Variants in ARHGAP15 observed in about 807,000 individuals in gnomAD.
The protein encoded by ARHGAP15 is Rho GTPase activating protein 15.
In ARHGAP15, 51 loss-of-function variants were observed where a neutral mutation model predicts 63.7. The ratio of observed to expected loss-of-function variants is 0.80; its 90% CI spans 0.64 to 1.01. ARHGAP15 has a LOEUF of 1.01. Ranked by LOEUF, ARHGAP15 falls within the 50% of genes least tolerant of loss-of-function variation. The probability of loss-of-function intolerance (pLI) is 0.00; values close to 1 mark genes in which losing one functional copy is unlikely to be tolerated. For missense variants in ARHGAP15, 560 were observed against 564.6 expected (o/e 0.99, Z 0.08); for synonymous variants, 191 against 193.8 (o/e 0.99, Z 0.12).
At chr2:143,321,332 T>A (rs1010539554) in intron 6 of ARHGAP15, among the ~76,000 whole-genome samples, 2 of 152,242 alleles carry the variant, frequency 1.3e-5, no homozygotes, top group Admixed American at 1.3e-4. Context: ...TGTGGAAGCA[T>A]AAAAGGGAAT....
At chr2:143,669,656 T>C (rs1682417166) in intron 12 of ARHGAP15, among the ~76,000 whole-genome samples, 1 of 152,212 alleles carries the variant, frequency 6.6e-6, no homozygotes, top group Non-Finnish European at 1.5e-5. Flanking sequence ...CTGGGGCCTC[T>C]TTCATAAAGG....
intron 10 of ARHGAP15, chr2:143,533,356 G>A (rs953832210): frequency 6.6e-6 from 1 of 152,112 alleles, no homozygotes; most frequent in Non-Finnish European, 1.5e-5. Context: ...GGAACTGAAG[G>A]AGAACAGTGC....
intron 6 of ARHGAP15, among the ~76,000 whole-genome samples, chr2:143,304,554 G>A: frequency 6.6e-6 from 1 of 151,926 alleles, no homozygotes; most frequent in East Asian, 1.9e-4. Context: ...GTATACATAT[G>A]GAACAAACCT....
intron 10 of ARHGAP15, among the ~76,000 whole-genome samples, chr2:143,542,814 GATAT>G (rs1184146919): frequency 5.3e-5 from 6 of 112,650 alleles, no homozygotes; most frequent in Admixed American, 1.0e-4. Context: ...GTATATATAT[GATAT>G]ATATAATATC....
intron 13 of ARHGAP15, among the ~76,000 whole-genome samples, chr2:143,712,678 G>A (rs1684633150): frequency 6.6e-6 from 1 of 152,080 alleles, no homozygotes; most frequent in South Asian, 2.1e-4. Flanking sequence ...CAAGAGCAAA[G>A]GTATATTTTG....
At chr2:143,727,041 C>A (rs1685312004) in intron 13 of ARHGAP15, among the ~76,000 whole-genome samples, 1 of 152,188 alleles carries the variant, frequency 6.6e-6, no homozygotes, top group South Asian at 2.1e-4. Context: ...ACTGCCCTAA[C>A]CTCTTCCAGC....
At chr2:143,277,376 A>G (rs1385687167) in intron 6 of ARHGAP15, among the ~76,000 whole-genome samples, 1 of 151,830 alleles carries the variant, frequency 6.6e-6, no homozygotes, top group Non-Finnish European at 1.5e-5. Context: ...AGATTCAGGG[A>G]CTCATATCAG....
chr2:143,338,176 T>C (rs1238930178), intron 6 of ARHGAP15, among the ~76,000 whole-genome samples: 2 of 152,164 alleles, frequency 1.3e-5, no homozygotes, highest in South Asian at 2.1e-4. Context: ...CTTAGGAGTA[T>C]ACCAGTGAGT....
chr2:143,528,129 A>G (rs964685121), intron 10 of ARHGAP15, among the ~76,000 whole-genome samples: 2 of 152,076 alleles, frequency 1.3e-5, no homozygotes, highest in Admixed American at 6.6e-5. Context: ...TTCTCTACTC[A>G]TTTTCATCAG....
chr2:143,719,039 C>T (rs536338222), intron 13 of ARHGAP15, among the ~76,000 whole-genome samples: 14 of 152,294 alleles, frequency 9.2e-5, no homozygotes, highest in African/African-American at 3.4e-4. Flanking sequence ...ACTAAGTAAA[C>T]CCCTTCTCTT....
intron 6 of ARHGAP15, among the ~76,000 whole-genome samples, chr2:143,327,303 T>C (rs570084224): frequency 6.6e-6 from 1 of 152,300 alleles, no homozygotes; most frequent in African/African-American, 2.4e-5. Context: ...ATCAATATCG[T>C]GAAAATTGCT....
At chr2:143,478,432 G>T (rs1691924512) in intron 8 of ARHGAP15, among the ~76,000 whole-genome samples, 1 of 152,166 alleles carries the variant, frequency 6.6e-6, no homozygotes, top group South Asian at 2.1e-4. Flanking sequence ...AGGCAAGGGG[G>T]TGGGGGACAT....
intron 13 of ARHGAP15, among the ~76,000 whole-genome samples, chr2:143,730,770 A>T (rs970046696): frequency 1.3e-5 from 2 of 151,930 alleles, no homozygotes; most frequent in African/African-American, 4.8e-5. Flanking sequence ...AAAAATCAGG[A>T]AGTAGTAAAG....
chr2:143,352,152 A>G (rs1685601150), intron 6 of ARHGAP15, among the ~76,000 whole-genome samples: 1 of 152,050 alleles, frequency 6.6e-6, no homozygotes, highest in African/African-American at 2.4e-5. Flanking sequence ...TCTGCCCCCC[A>G]TTGCTTTTGG....
chr2:143,291,593 G>T (rs1682403964), intron 6 of ARHGAP15, among the ~76,000 whole-genome samples: 1 of 152,058 alleles, frequency 6.6e-6, no homozygotes, highest in Non-Finnish European at 1.5e-5. Flanking sequence ...CCAACAGCAG[G>T]CCAGGAGGCA....
chr2:143,221,337 G>A (rs1692990928), intron 4 of ARHGAP15, among the ~76,000 whole-genome samples: 1 of 152,060 alleles, frequency 6.6e-6, no homozygotes, highest in Non-Finnish European at 1.5e-5. Context: ...TAAAAGGAAA[G>A]ATAAATTATT....
chr2:143,758,960 G>C (rs191614153), intron 13 of ARHGAP15, among the ~76,000 whole-genome samples: 16 of 152,122 alleles, frequency 1.1e-4, no homozygotes, highest in Admixed American at 5.9e-4. Context: ...ACCACGGATC[G>C]AATTGTTACA....
chr2:143,661,513 T>C (rs1033609826), intron 12 of ARHGAP15, among the ~76,000 whole-genome samples: 11 of 152,202 alleles, frequency 7.2e-5, no homozygotes, highest in African/African-American at 2.7e-4. Flanking sequence ...GTATGTGTTC[T>C]TATTAAGAAA....
chr2:143,407,987 GTATATATATATATATATATA>G (rs58194704), intron 6 of ARHGAP15, among the ~76,000 whole-genome samples: 31 of 77,462 alleles, frequency 4.0e-4, no homozygotes, highest in South Asian at 1.2e-3. Flanking sequence ...TTCTGTGTGT[GTATATATATATATATATATA>G]TATATATATA....
Sources: allele counts gnomAD v4.1 joint callset (sites outside exome capture counted in the v4.1 genomes callset), GRCh38; gene constraint gnomAD v4.1.1; transcripts MANE v1.5; gene names NCBI Gene and HGNC (gene_info 2026-07-23, HGNC 2026-07-21).